The following NDUFA12 variants were observed in gnomAD, a reference collection of about 807,000 sequenced individuals.
The protein encoded by NDUFA12 is NADH dehydrogenase [ubiquinone] 1 alpha subcomplex subunit 12.
Under a neutral mutation model 20.3 loss-of-function variants are expected in NDUFA12, and 17 were observed. That is an observed-to-expected ratio of 0.84 (90% CI 0.57 to 1.26). The LOEUF (loss-of-function observed/expected upper bound fraction) is 1.26, where lower values mean the gene tolerates loss of function less well. NDUFA12 is among the 50% of genes most tolerant of loss of function. The pLI is 0.00. For synonymous variants in NDUFA12, 72 were observed against 63.6 expected, an observed-to-expected ratio of 1.13 and a Z score of -0.63; for missense variants, 191 against 183.7, an observed-to-expected ratio of 1.04 and a Z score of -0.23.
At chr12:94,995,984 G>T (rs897150033) in intron 2 of NDUFA12, among the ~76,000 whole-genome samples, 2 of 151,724 alleles carry the variant, frequency 1.3e-5, no homozygotes, top group Non-Finnish European at 2.9e-5. Flanking sequence ...GAGGCAGGGG[G>T]ATCACTTGAG....
At chr12:94,979,090 A>AATTT (rs1301046682) in intron 3 of NDUFA12, among the ~76,000 whole-genome samples, 1 of 152,210 alleles carries the variant, frequency 6.6e-6, no homozygotes, top group Non-Finnish European at 1.5e-5. Flanking sequence ...TGGTCTTTAA[A>AATTT]AAACATTCCT....
At chr12:94,989,236 C>A (rs1442371092) in intron 3 of NDUFA12, among the ~76,000 whole-genome samples, 1 of 152,102 alleles carries the variant, frequency 6.6e-6, no homozygotes, top group African/African-American at 2.4e-5. Flanking sequence ...TTTTTCATTA[C>A]CACAATTATA....
At chr12:94,983,627 G>C (rs1014157237) in intron 3 of NDUFA12, among the ~76,000 whole-genome samples, 2 of 152,298 alleles carry the variant, frequency 1.3e-5, no homozygotes. Flanking sequence ...ATTGCTGTGA[G>C]ATAACATTTA....
intron 2 of NDUFA12, among the ~76,000 whole-genome samples, chr12:94,998,917 T>G (rs1389235326): frequency 6.6e-6 from 1 of 152,132 alleles, no homozygotes; most frequent in African/African-American, 2.4e-5. Flanking sequence ...CCCAAAGCAA[T>G]CTACAGATTC....
chr12:94,993,391 G>A (rs1490097457), intron 3 of NDUFA12, among the ~76,000 whole-genome samples: 2 of 148,772 alleles, frequency 1.3e-5, no homozygotes, highest in African/African-American at 4.9e-5. Context: ...TTGAGAGGCC[G>A]AGGCGGGTGG....
chr12:94,998,285 G>A (rs1487825443), intron 2 of NDUFA12, among the ~76,000 whole-genome samples: 1 of 152,020 alleles, frequency 6.6e-6, no homozygotes, highest in Non-Finnish European at 1.5e-5. Context: ...CAACATTCCT[G>A]TATGATAAAA....
intron 3 of NDUFA12, among the ~76,000 whole-genome samples, chr12:94,976,496 A>C (rs1874069318): frequency 6.6e-6 from 1 of 152,182 alleles, no homozygotes; most frequent in Admixed American, 6.5e-5. Context: ...CCTCCTGTAT[A>C]CTTTAAATCA....
intron 3 of NDUFA12, among the ~76,000 whole-genome samples, chr12:94,980,202 A>G (rs1459216325): frequency 1.3e-5 from 2 of 152,126 alleles, no homozygotes; most frequent in Non-Finnish European, 2.9e-5. Context: ...TACTTGATAT[A>G]TATCTAATCA....
chr12:95,000,778 A>C (rs548124621), intron 2 of NDUFA12, among the ~76,000 whole-genome samples: 1 of 152,212 alleles, frequency 6.6e-6, no homozygotes, highest in Non-Finnish European at 1.5e-5. Flanking sequence ...AAGGATACCA[A>C]ACATTGTTCT....
At chr12:94,998,661 T>A (rs2136072499) in intron 2 of NDUFA12, among the ~76,000 whole-genome samples, 1 of 152,246 alleles carries the variant, frequency 6.6e-6, no homozygotes, top group South Asian at 2.1e-4. Context: ...TGTATACAAA[T>A]CAGTAGCACA....
intron 3 of NDUFA12, among the ~76,000 whole-genome samples, chr12:94,987,750 C>T (rs1874495437): frequency 7.6e-6 from 1 of 130,994 alleles, no homozygotes; most frequent in African/African-American, 2.9e-5. Flanking sequence ...GCAGACTGTA[C>T]CACTGCACTC....
intron 3 of NDUFA12, among the ~76,000 whole-genome samples, chr12:94,991,493 C>A (rs1191567310): frequency 1.3e-5 from 2 of 151,564 alleles, no homozygotes; most frequent in Admixed American, 6.6e-5. Flanking sequence ...TTTGCGAGGC[C>A]AAAGTGGGTG....
chr12:94,987,839 A>T (rs538635116), intron 3 of NDUFA12, among the ~76,000 whole-genome samples: 2 of 151,882 alleles, frequency 1.3e-5, no homozygotes, highest in South Asian at 4.2e-4. Flanking sequence ...CAGCAGGCAC[A>T]AGAATAATAT....
At chr12:94,991,258 A>T (rs1473332807) in intron 3 of NDUFA12, among the ~76,000 whole-genome samples, 1 of 152,060 alleles carries the variant, frequency 6.6e-6, no homozygotes, top group Admixed American at 6.6e-5. Flanking sequence ...TGGGCAACAG[A>T]GTGTCCCCGT....
intron 3 of NDUFA12, among the ~76,000 whole-genome samples, chr12:94,981,497 T>C (rs1488407283): frequency 1.3e-5 from 2 of 152,184 alleles, no homozygotes; most frequent in Non-Finnish European, 2.9e-5. Flanking sequence ...TTTCAGGGTA[T>C]TCTACTCAAT....
At chr12:94,993,347 G>T (rs1874707717) in intron 3 of NDUFA12, among the ~76,000 whole-genome samples, 3 of 89,716 alleles carry the variant, frequency 3.3e-5, no homozygotes, top group African/African-American at 1.0e-4. Flanking sequence ...AAATTAGGCC[G>T]AGTGCAGTGG....
intron 3 of NDUFA12, among the ~76,000 whole-genome samples, chr12:94,992,016 C>T (rs1304089363): frequency 2.0e-5 from 3 of 152,154 alleles, no homozygotes; most frequent in African/African-American, 7.2e-5. Flanking sequence ...CCACTTTCTA[C>T]TGAAGACAGC....
intron 2 of NDUFA12, among the ~76,000 whole-genome samples, chr12:94,996,477 A>AT (rs1208020274): frequency 1.3e-5 from 2 of 150,770 alleles, no homozygotes; most frequent in African/African-American, 2.4e-5. Context: ...CCAGGCCCTA[A>AT]TTTTTTTTTA....
intron 2 of NDUFA12, among the ~76,000 whole-genome samples, chr12:94,998,776 T>C (rs531074106): frequency 6.6e-6 from 1 of 152,186 alleles, no homozygotes; most frequent in Admixed American, 6.6e-5. Flanking sequence ...TACTTAACCA[T>C]GGAAGTGAAA....
Sources: allele counts gnomAD v4.1 joint callset (sites outside exome capture counted in the v4.1 genomes callset), GRCh38; gene constraint gnomAD v4.1.1; transcripts MANE v1.5; gene names NCBI Gene and HGNC (gene_info 2026-07-23, HGNC 2026-07-21).